RARB: variants seen among roughly 807,000 people sequenced by gnomAD.
RARB encodes the protein HBV-activated protein.
In RARB, 17 loss-of-function variants were observed where a neutral mutation model predicts 51.9. That is an observed-to-expected ratio of 0.33 (90% confidence interval 0.22 to 0.49). RARB has a LOEUF of 0.49. Among genes scored for constraint, RARB ranks in the 20% least tolerant of loss-of-function variants. The probability of loss-of-function intolerance (pLI) is 0.99; values close to 1 mark genes in which losing one functional copy is unlikely to be tolerated. For synonymous variants in RARB, 215 were observed against 195.4 expected, an observed-to-expected ratio of 1.10 and a Z score of -0.84; for missense variants, 369 against 550.8, an observed-to-expected ratio of 0.67 and a Z score of 3.30.
chr3:25,135,342 A>G (rs951606032), intron 4 of RARB, among the ~76,000 whole-genome samples: 1 of 152,006 alleles, frequency 6.6e-6, no homozygotes, highest in African/African-American at 2.4e-5. Context: ...GGATGACACA[A>G]TTCTAAAGCG....
chr3:24,853,859 G>T (rs1283035781), intron 1 of RARB, among the ~76,000 whole-genome samples: 4 of 152,184 alleles, frequency 2.6e-5, no homozygotes, highest in Non-Finnish European at 5.9e-5. Flanking sequence ...AGAGGTAATT[G>T]GCAGCACCTG....
intron 3 of RARB, among the ~76,000 whole-genome samples, chr3:25,097,366 C>G (rs74887110): frequency 2.6e-5 from 4 of 152,056 alleles, no homozygotes; most frequent in African/African-American, 7.2e-5. Flanking sequence ...AAGAAAGTAA[C>G]ATGAAAACAT....
At chr3:25,085,409 A>G (rs942376302) in intron 3 of RARB, among the ~76,000 whole-genome samples, 11 of 152,240 alleles carry the variant, frequency 7.2e-5, no homozygotes, top group Non-Finnish European at 1.3e-4. Context: ...TCATTCTTCA[A>G]AGATTTTCCA....
intron 2 of RARB, among the ~76,000 whole-genome samples, chr3:24,989,109 A>G (rs1696857428): frequency 6.6e-6 from 1 of 152,184 alleles, no homozygotes. Flanking sequence ...TACAGGCGTG[A>G]GCCACCGCAC....
At chr3:25,114,333 G>A (rs1699651157) in intron 3 of RARB, among the ~76,000 whole-genome samples, 1 of 152,114 alleles carries the variant, frequency 6.6e-6, no homozygotes. Context: ...GAGTAGCTGA[G>A]GCTTTGCGTT....
rs972237495 is a variant in RARB at position 25,273,250 on chromosome 3, A to G, written c.178+98675A>G. On this transcript the variant is annotated intron_variant, in intron 5 of 11. Transcript: ENST00000383772. ...ATTTCTGTGTCTAACAAAGGACTCG[A>G]ACTGGCCTCAGCTATCGTGCATGAG... Among the ~76,000 whole-genome samples, 9 of 152,188 alleles carry G rather than the reference A, an allele frequency of 5.9e-5. No homozygotes were observed. In the East Asian group the frequency reaches 1.3e-3, roughly 23 times the overall value.
At chr3:24,986,210 T>C (rs1256105262) in intron 2 of RARB, among the ~76,000 whole-genome samples, 2 of 152,180 alleles carry the variant, frequency 1.3e-5, no homozygotes, top group East Asian at 3.9e-4. Context: ...GCTGGAAATA[T>C]GGAGGTGAAT....
intron 3 of RARB, among the ~76,000 whole-genome samples, chr3:25,081,598 TA>T (rs1393118778): frequency 1.7e-4 from 3 of 18,026 alleles, no homozygotes; most frequent in Non-Finnish European, 2.9e-4. Context: ...TATATATATA[TA>T]TATATATATA....
At chr3:24,870,359 A>G (rs1204102602) in intron 2 of RARB, among the ~76,000 whole-genome samples, 1 of 152,066 alleles carries the variant, frequency 6.6e-6, no homozygotes, top group Non-Finnish European at 1.5e-5. Flanking sequence ...TTTTTCCATA[A>G]TAGGAAAACT....
chr3:25,043,325 C>A (rs1028044685), intron 2 of RARB, among the ~76,000 whole-genome samples: 4 of 152,082 alleles, frequency 2.6e-5, no homozygotes, highest in African/African-American at 9.7e-5. Flanking sequence ...CTCATTTATA[C>A]GTGGGCCACA....
chr3:25,214,858 A>G (rs1181030347), intron 5 of RARB, among the ~76,000 whole-genome samples: 1 of 152,214 alleles, frequency 6.6e-6, no homozygotes, highest in Non-Finnish European at 1.5e-5. Flanking sequence ...TTAGCATAGA[A>G]GAAGACCTAT....
chr3:25,180,603 A>G (rs1229903859), intron 5 of RARB, among the ~76,000 whole-genome samples: 1 of 152,316 alleles, frequency 6.6e-6, no homozygotes, highest in East Asian at 1.9e-4. Context: ...TCTTCAGGAT[A>G]TATCCCAGGA....
At chr3:25,303,267 A>T (rs114770268) in intron 5 of RARB, among the ~76,000 whole-genome samples, 6 of 152,280 alleles carry the variant, frequency 3.9e-5, no homozygotes, top group African/African-American at 1.4e-4. Context: ...AAGCAAAGAA[A>T]ATTGATGCTG....
At chr3:25,379,661 C>G (rs1335196944) in intron 5 of RARB, among the ~76,000 whole-genome samples, 1 of 152,180 alleles carries the variant, frequency 6.6e-6, no homozygotes, top group African/African-American at 2.4e-5. Flanking sequence ...GGGTAAAGAA[C>G]TAGGGCACAG....
rs527493515 is a variant in RARB, at chr3:25,076,301, G to A, written c.-328+16125G>A. On this transcript the variant is annotated intron_variant, in intron 3 of 11. Coordinates refer to the RARB transcript ENST00000383772. The stretch of plus-strand genomic sequence containing the variant: ...GACTACAGGTACCCACCACCATTCC[G>A]GCTAATTTTTTGTAATTTTAGTAGA... Among the ~76,000 whole-genome samples the A allele has an allele frequency of 3.3e-5, 5 of 152,008 alleles. No homozygotes were observed. The East Asian group carries it at 5.8e-4, about 18-fold the overall frequency.
intron 2 of RARB, among the ~76,000 whole-genome samples, chr3:25,464,744 C>T (rs1461223813): frequency 2.6e-5 from 4 of 151,892 alleles, no homozygotes; most frequent in Admixed American, 6.6e-5. Flanking sequence ...AAAATTAAAA[C>T]AACCATTATT....
At chr3:24,841,467 G>T (rs1702420846) in intron 1 of RARB, among the ~76,000 whole-genome samples, 1 of 152,172 alleles carries the variant, frequency 6.6e-6, no homozygotes, top group South Asian at 2.1e-4. Context: ...CAGACAGTGT[G>T]TTGCAGTTTT....
intron 3 of RARB, among the ~76,000 whole-genome samples, chr3:25,076,115 T>G (rs1389611783): frequency 6.6e-6 from 1 of 151,686 alleles, no homozygotes; most frequent in Non-Finnish European, 1.5e-5. Flanking sequence ...TTAAATTGAA[T>G]AGTAAGTAGT....
chr3:25,387,523 C>A (rs79907480), intron 5 of RARB, among the ~76,000 whole-genome samples: 2,065 of 152,200 alleles, frequency 0.014, 55 homozygotes, highest in African/African-American at 0.047. Flanking sequence ...TTATAGTATT[C>A]TTCTCTTATT....
Sources: gnomAD v4.1 joint callset for allele counts (sites outside exome capture counted in the v4.1 genomes callset) on GRCh38, gnomAD v4.1.1 for gene constraint, MANE v1.5 for transcripts, NCBI Gene and HGNC (gene_info 2026-07-23, HGNC 2026-07-21) for gene names.